NFIB: variants seen among roughly 807,000 people sequenced by gnomAD.
NFIB encodes nuclear factor I B.
NFIB carries 11 observed loss-of-function variants against 61.5 expected under a neutral mutation model. The ratio of observed to expected loss-of-function variants is 0.18; its 90% CI spans 0.11 to 0.30. The LOEUF (loss-of-function observed/expected upper bound fraction) is 0.30, where lower values mean the gene tolerates loss of function less well. Ranked by LOEUF, NFIB falls within the 10% of genes least tolerant of loss-of-function variation. NFIB has a pLI of 1.00. For missense variants in NFIB, 471 were observed against 608.9 expected (o/e 0.77, Z 2.38); for synonymous variants, 260 against 216.5 (o/e 1.20, Z -1.76).
chr9:14,245,467 A>C (rs1587889766), intron 2 of NFIB, among the ~76,000 whole-genome samples: 2 of 152,136 alleles, frequency 1.3e-5, no homozygotes, highest in East Asian at 3.9e-4. Flanking sequence ...CAAAACAGAA[A>C]AAAAAAACCA....
chr9:14,205,811 A>T (rs191665076), intron 2 of NFIB, among the ~76,000 whole-genome samples: 1 of 152,334 alleles, frequency 6.6e-6, no homozygotes, highest in African/African-American at 2.4e-5. Context: ...CACACTCAGC[A>T]GAGCCACACC....
At chr9:14,452,554 C>T in the NFIB span, among the ~76,000 whole-genome samples, 1 of 151,866 alleles carries the variant, frequency 6.6e-6, no homozygotes, top group African/African-American at 2.4e-5. Context: ...GGTAATGATA[C>T]ATCAATCTTG....
chr9:14,422,824 T>TGGGAGAA, the NFIB span, among the ~76,000 whole-genome samples: 1 of 152,060 alleles, frequency 6.6e-6, no homozygotes, highest in East Asian at 1.9e-4. Context: ...CCCTGTGTTG[T>TGGGAGAA]GGGAGAAGTT....
At chr9:14,197,864 T>C (rs2048626104) in intron 2 of NFIB, among the ~76,000 whole-genome samples, 1 of 151,816 alleles carries the variant, frequency 6.6e-6, no homozygotes, top group Non-Finnish European at 1.5e-5. Flanking sequence ...GACGAAAAGG[T>C]TCACGGCTAG....
At chr9:14,152,406 A>T (rs2131178331) in intron 4 of NFIB, among the ~76,000 whole-genome samples, 1 of 152,226 alleles carries the variant, frequency 6.6e-6, no homozygotes, top group East Asian at 1.9e-4. Flanking sequence ...TTTATAATTT[A>T]TTATTAGAAC....
intron 3 of NFIB, among the ~76,000 whole-genome samples, chr9:14,164,166 C>G (rs2044512166): frequency 1.3e-5 from 2 of 150,590 alleles, no homozygotes; most frequent in Non-Finnish European, 3.0e-5. Flanking sequence ...CTAAAAAGAC[C>G]AACAAGACAG....
chr9:14,099,592 T>A (rs1001913551), intron 10 of NFIB, among the ~76,000 whole-genome samples: 3 of 152,204 alleles, frequency 2.0e-5, no homozygotes, highest in Non-Finnish European at 2.9e-5. Flanking sequence ...AAGCAACCTA[T>A]GTCATTTGAA....
chr9:14,409,477 C>A, the NFIB span, among the ~76,000 whole-genome samples: 1 of 152,148 alleles, frequency 6.6e-6, no homozygotes, highest in Non-Finnish European at 1.5e-5. Flanking sequence ...CTAATGCCTG[C>A]CCATGCCATC....
intron 7 of NFIB, among the ~76,000 whole-genome samples, chr9:14,121,718 T>C (rs1349905619): frequency 6.6e-6 from 1 of 152,198 alleles, no homozygotes; most frequent in East Asian, 1.9e-4. Context: ...AAATTTAAGC[T>C]TTCATATAGG....
At chr9:14,473,901 T>C in the NFIB span, among the ~76,000 whole-genome samples, 1 of 152,198 alleles carries the variant, frequency 6.6e-6, no homozygotes, top group Non-Finnish European at 1.5e-5. Flanking sequence ...ATGACCGTTT[T>C]TCACCATCAC....
chr9:14,380,556 G>C (rs1422353969), intron 1 of NFIB, among the ~76,000 whole-genome samples: 1 of 152,100 alleles, frequency 6.6e-6, no homozygotes, highest in East Asian at 1.9e-4. Flanking sequence ...AGTATACATG[G>C]GAAATGATTA....
the NFIB span, among the ~76,000 whole-genome samples, chr9:14,463,756 G>A: frequency 7.0e-6 from 1 of 143,256 alleles, no homozygotes; most frequent in Admixed American, 7.6e-5. Context: ...CGCCTCCCGG[G>A]TTCACGCCAT....
At chr9:14,290,808 T>C (rs2059041332) in intron 2 of NFIB, among the ~76,000 whole-genome samples, 1 of 152,080 alleles carries the variant, frequency 6.6e-6, no homozygotes, top group South Asian at 2.1e-4. Context: ...AGTAATCTGA[T>C]TTGCCCCTAA....
In NFIB at chr9:14,175,454, G is replaced by A. The variant is rs542298695; in HGVS notation, c.616+4273C>T. Among the ~76,000 whole-genome samples the A allele has an allele frequency of 2.6e-4, 39 of 152,158 alleles. No individual in the cohort carries two copies. In the South Asian group the frequency reaches 7.7e-3, roughly 30 times the overall value. On this transcript the variant is annotated intron_variant, in intron 3 of 10. Coordinates refer to ENST00000380953, the MANE Select transcript of NFIB (RefSeq NM_001190737.2). ...CTCCCAAAGTGCTAGGATTACAGGC[G>A]TAAGACACCACGCCCAGCCAGCGAC...
At chr9:14,249,707 G>A (rs555220983) in intron 2 of NFIB, among the ~76,000 whole-genome samples, 55 of 152,070 alleles carry the variant, frequency 3.6e-4, no homozygotes, top group Non-Finnish European at 5.7e-4. Context: ...AAGAGAGGAA[G>A]GAAGGAGAGT....
intron 10 of NFIB, chr9:14,102,639 AAAAAAAAAAGC>A (rs955316080): frequency 1.8e-5 from 11 of 605,616 alleles, no homozygotes; most frequent in Non-Finnish European, 2.5e-5. Flanking sequence ...AACTTAAAGA[AAAAAAAAAAGC>A]AAAAAAAAAT....
chr9:14,479,337 C>T, the NFIB span, among the ~76,000 whole-genome samples: 1 of 152,252 alleles, frequency 6.6e-6, no homozygotes, highest in Non-Finnish European at 1.5e-5. Context: ...GTACTGAAAC[C>T]CATACTAGCA....
In NFIB at chr9:14,313,702, G is replaced by A; in HGVS notation, c.-191C>T. Reference sequence around the variant, plus strand: ...AATAGCCAAAGATTCAAGTTCACTCGGCGTGCTAGATTTCCAGGGGTGAAA... The same window carrying A: ...AATAGCCAAAGATTCAAGTTCACTCAGCGTGCTAGATTTCCAGGGGTGAAA... On this transcript the variant is annotated 5_prime_UTR_variant, in exon 1 of 11. Transcript: ENST00000380953. The surrounding 1 kb of genome is among the most constrained non-coding windows in gnomAD (Gnocchi z 4.5). The A allele has an allele frequency of 1.4e-6, 2 of 1,426,786 alleles. No individual in the cohort carries two copies. The highest frequency in any genetic ancestry group is 1.8e-6 in the Non-Finnish European group (2 of 1,091,074). The allele number at this position is 1,426,786 out of a possible 1,614,324, so 88.4% of individuals were successfully genotyped here.
At chr9:14,158,705 T>C (rs1310615056) in intron 3 of NFIB, among the ~76,000 whole-genome samples, 1 of 152,238 alleles carries the variant, frequency 6.6e-6, no homozygotes, top group African/African-American at 2.4e-5. Context: ...TGGATAATTA[T>C]ACTAACCTCT....
Sources: gnomAD v4.1 joint callset for allele counts (sites outside exome capture counted in the v4.1 genomes callset) on GRCh38, gnomAD v4.1.1 for gene constraint, Gnocchi (gnomAD v3.1) non-coding constraint, MANE v1.5 for transcripts, NCBI Gene and HGNC (gene_info 2026-07-23, HGNC 2026-07-21) for gene names.